FRY: variants seen among roughly 807,000 people sequenced by gnomAD.
FRY encodes the protein FRY microtubule binding protein, also known as protein furry homolog.
A neutral mutation model predicts 348.4 loss-of-function variants in FRY; 128 were observed. The observed-to-expected ratio is 0.37, with a 90% CI of 0.32 to 0.43. The LOEUF (loss-of-function observed/expected upper bound fraction) is 0.43. Among genes scored for constraint, FRY ranks in the 20% least tolerant of loss-of-function variants. The pLI, the probability that FRY is intolerant of heterozygous loss-of-function variation, is 1.00. For synonymous variants in FRY, 1,370 were observed against 1,374.7 expected (o/e 1.00, Z 0.08); for missense variants, 2,736 against 3,695.2 (o/e 0.74, Z 6.73).
chr13:32,208,441 C>G (rs561473085), intron 31 of FRY, among the ~76,000 whole-genome samples: 2 of 152,330 alleles, frequency 1.3e-5, no homozygotes, highest in African/African-American at 4.8e-5. Context: ...CCCATTTTAC[C>G]GACAAGGGAA....
At position 32,202,518 on chromosome 13, in the gene FRY, C is replaced by G. The variant is rs755880817; in HGVS notation, c.4009C>G (p.Leu1337Val). 1 of 1,612,840 alleles carries G rather than the reference C, an allele frequency of 6.2e-7. No individual in the cohort carries two copies. Among genetic ancestry groups the G allele is most frequent in the Admixed American group, 1.7e-5 (1 of 60,014 alleles). ...ARMYPELTLPLFSEVSQRFPT... is the reference protein window; with the variant it reads ...ARMYPELTLPVFSEVSQRFPT... The stretch of plus-strand genomic sequence containing the variant: ...GATGTACCCTGAGCTCACACTCCCC[C>G]TCTTCTCAGGTACCAGGCAATAGTC... Residue 1337 changes from leucine to valine, a missense_variant, in exon 31 of 61, where the codon CTC becomes GTC. Leu to Val is a conservative substitution (Grantham distance 32). Coordinates refer to ENST00000542859, the MANE Select transcript of FRY (RefSeq NM_023037.3).
intron 4 of FRY, 33 bp downstream of exon 4, chr13:32,117,506 AT>A: frequency 1.9e-6 from 3 of 1,607,170 alleles, no homozygotes; most frequent in Non-Finnish European, 1.7e-6. Flanking sequence ...TCATGGTTTT[AT>A]TTTGTTTTGT....
chr13:32,179,843 T>C (rs767272608), intron 23 of FRY, 44 bp downstream of exon 23: 31 of 1,586,626 alleles, frequency 2.0e-5, no homozygotes, highest in African/African-American at 2.7e-5. Flanking sequence ...TACATGCTGC[T>C]GCTATTGTAG....
At chr13:32,166,426 T>TAAA (rs1881740551) in intron 17 of FRY, among the ~76,000 whole-genome samples, 1 of 152,226 alleles carries the variant, frequency 6.6e-6, no homozygotes, top group African/African-American at 2.4e-5. Flanking sequence ...GAAGGAGATC[T>TAAA]AATAGGATTT....
In FRY at chr13:32,289,202, G is replaced by A. The variant is rs551202253; in HGVS notation, c.8470-431G>A. On this transcript the variant is annotated intron_variant, in intron 58 of 60. Coordinates refer to ENST00000542859, the MANE Select transcript of FRY (RefSeq NM_023037.3). ...CTGTTAGGTTTACACAAGCCCAGGCGTCTACAGAATTTATAAGTTTAACAC... is the reference window on the plus strand; with the variant it reads ...CTGTTAGGTTTACACAAGCCCAGGCATCTACAGAATTTATAAGTTTAACAC... 5.9e-5 allele frequency among the ~76,000 whole-genome samples: 9 copies of A among 152,186 alleles called. No individual in the cohort carries two copies. The South Asian group carries it at 6.2e-4, about 11-fold the overall frequency.
In FRY at chr13:32,094,775, G is replaced by A. The variant is rs140847062; in HGVS notation, c.271-7188G>A. On this transcript the variant is annotated intron_variant, in intron 2 of 60. Coordinates refer to ENST00000542859, the MANE Select transcript of FRY (RefSeq NM_023037.3). ...CATTCATCTCTTGATGGACACTTAG[G>A]TTGCTTCTAAATCTTGGCTATTGTG... Among the ~76,000 whole-genome samples, 342 of 152,230 alleles carry A rather than the reference G, an allele frequency of 2.2e-3. 1 individual carries two copies. Among genetic ancestry groups the A allele is most frequent in the African/African-American group, 7.9e-3 (328 of 41,550 alleles).
chr13:32,112,360 C>T (rs1450991886), intron 3 of FRY, among the ~76,000 whole-genome samples: 2 of 151,958 alleles, frequency 1.3e-5, no homozygotes, highest in African/African-American at 2.4e-5. Flanking sequence ...TCTTAAAATC[C>T]CAATGAGGTA....
intron 1 of FRY, among the ~76,000 whole-genome samples, chr13:32,059,222 G>T (rs1873797632): frequency 6.6e-6 from 1 of 150,816 alleles, no homozygotes; most frequent in African/African-American, 2.4e-5. Context: ...TGTTCTTTTA[G>T]TTGAATGACA....
chr13:32,068,591 G>C (rs969619032), intron 1 of FRY, among the ~76,000 whole-genome samples: 1 of 152,196 alleles, frequency 6.6e-6, no homozygotes, highest in African/African-American at 2.4e-5. Context: ...ATATCTCTCA[G>C]ATAAAATACT....
chr13:32,218,494 C>T (rs941324792), intron 35 of FRY, among the ~76,000 whole-genome samples: 10 of 152,074 alleles, frequency 6.6e-5, no homozygotes, highest in Non-Finnish European at 1.3e-4. Context: ...GCCTGGCTAA[C>T]ATGGTGAAAC....
intron 1 of FRY, among the ~76,000 whole-genome samples, chr13:32,078,454 C>T (rs1041512963): frequency 3.9e-5 from 6 of 152,132 alleles, no homozygotes; most frequent in African/African-American, 1.4e-4. Context: ...AAAACCTGGA[C>T]AAGAAATCAC....
intron 2 of FRY, among the ~76,000 whole-genome samples, chr13:32,079,738 GAAGGAAGCGCA>G (rs921288224): frequency 6.6e-6 from 1 of 152,172 alleles, no homozygotes; most frequent in Non-Finnish European, 1.5e-5. Context: ...AGTCAGGAAG[GAAGGAAGCGCA>G]ATTGGTAGAT....
Position 32,261,677 on chromosome 13 carries a change from A to T in FRY, c.7478A>T (p.Lys2493Met), listed in dbSNP as rs1168594744. The T allele has an allele frequency of 4.3e-6, 7 of 1,614,168 alleles. No individual in the cohort carries two copies. In the East Asian group the frequency reaches 1.6e-4, roughly 36 times the overall value. The stretch of plus-strand genomic sequence containing the variant: ...AGACGTTCTCTGGACAGCCTGGATA[A>T]GTGTGATATGCAGATTCTGGAGGAG... The part of the protein sequence containing the change: ...VRRRSLDSLD[K>M]CDMQILEERQ... The change falls in exon 52 of 61, where the codon AAG becomes ATG. Residue 2493 changes from lysine (K) to methionine (M), a missense_variant. Lys to Met is a moderately conservative substitution (Grantham distance 95). Coordinates refer to ENST00000542859, the MANE Select transcript of FRY (RefSeq NM_023037.3).
intron 4 of FRY, among the ~76,000 whole-genome samples, chr13:32,120,080 A>T (rs765744691): frequency 6.6e-6 from 1 of 152,170 alleles, no homozygotes; most frequent in Non-Finnish European, 1.5e-5. Flanking sequence ...TTTTGAAAAG[A>T]TCTTCCTGGC....
At chr13:32,197,400 C>T (rs1883739080) in intron 29 of FRY, among the ~76,000 whole-genome samples, 1 of 152,204 alleles carries the variant, frequency 6.6e-6, no homozygotes, top group Non-Finnish European at 1.5e-5. Flanking sequence ...CAATCACACT[C>T]CCTAACTGAT....
At chr13:32,034,089 A>G (rs1402847710) in intron 1 of FRY, among the ~76,000 whole-genome samples, 2 of 152,202 alleles carry the variant, frequency 1.3e-5, no homozygotes, top group Non-Finnish European at 2.9e-5. Context: ...CAAGTTTGAG[A>G]GGTGAGGATG....
chr13:32,184,479 G>A, intron 24 of FRY, 121 bp from the exon 25 acceptor site: 2 of 702,144 alleles, frequency 2.8e-6, no homozygotes, highest in South Asian at 3.2e-5. Flanking sequence ...AATGTATGCT[G>A]ACTTTTATGC....
At chr13:32,286,075 T>C (rs1457939196) in intron 58 of FRY, among the ~76,000 whole-genome samples, 2 of 152,202 alleles carry the variant, frequency 1.3e-5, no homozygotes. Flanking sequence ...AAGCAAGTGA[T>C]AAGTATGGGA....
At chr13:32,165,932 G>A (rs779120357) in intron 17 of FRY, among the ~76,000 whole-genome samples, 2 of 152,190 alleles carry the variant, frequency 1.3e-5, no homozygotes, top group African/African-American at 4.8e-5. Context: ...TGAGCAGCAC[G>A]TGCCCTTGTG....
Sources: allele counts gnomAD v4.1 joint callset (sites outside exome capture counted in the v4.1 genomes callset), GRCh38; gene constraint gnomAD v4.1.1; transcripts MANE v1.5; gene names NCBI Gene and HGNC (gene_info 2026-07-23, HGNC 2026-07-21).